The following MKLN1 variants were observed in gnomAD, a reference collection of about 807,000 sequenced individuals.
The protein encoded by MKLN1 is muskelin 1, also known as muskelin.
In MKLN1, 18 loss-of-function variants were observed where a neutral mutation model predicts 99.0. That is an observed-to-expected ratio of 0.18 (90% CI 0.13 to 0.27). The LOEUF is 0.27. Among genes scored for constraint, MKLN1 ranks in the 10% least tolerant of loss-of-function variants. The pLI is 1.00. For synonymous variants in MKLN1, 288 were observed against 293.2 expected (o/e 0.98, Z 0.18); for missense variants, 621 against 875.9 (o/e 0.71, Z 3.67).
intron 2 of MKLN1, among the ~76,000 whole-genome samples, chr7:131,190,998 G>A (rs888917974): frequency 2.0e-5 from 3 of 152,160 alleles, no homozygotes; most frequent in Non-Finnish European, 4.4e-5. Context: ...AGTGAGGACC[G>A]AGACTCTCTG....
At chr7:131,171,274 T>C (rs772601063) in intron 2 of MKLN1, among the ~76,000 whole-genome samples, 4 of 151,992 alleles carry the variant, frequency 2.6e-5, no homozygotes, top group Non-Finnish European at 5.9e-5. Context: ...CCCACTTACC[T>C]AAAAATGAAG....
rs556825977 is a variant in MKLN1 at position 131,261,248 on chromosome 7, G to A, written c.-179+58274G>A. ...GAAAGTATTTGCAAACTATGCATCC[G>A]GCAAAGGTCTAATATCCAGAAGCTG... On this transcript the variant is annotated intron_variant, in intron 3 of 7. Coordinates refer to the MKLN1 transcript ENST00000416992. Among the ~76,000 whole-genome samples the A allele has an allele frequency of 3.3e-5, 5 of 152,228 alleles. No homozygotes were observed. In the East Asian group the frequency reaches 7.7e-4, roughly 23 times the overall value.
intron 1 of MKLN1, among the ~76,000 whole-genome samples, chr7:131,328,510 G>A (rs1489859921): frequency 6.6e-6 from 1 of 152,200 alleles, no homozygotes; most frequent in African/African-American, 2.4e-5. Flanking sequence ...AGTGTTAAAA[G>A]TCACGGAAGG....
chr7:131,123,769 C>A (rs1795412432), intron 1 of MKLN1, among the ~76,000 whole-genome samples: 1 of 141,814 alleles, frequency 7.1e-6, no homozygotes, highest in African/African-American at 2.6e-5. Context: ...GCCTGGGCAA[C>A]AGAGCAAGAC....
chr7:131,161,183 C>T (rs1356362763), intron 2 of MKLN1, among the ~76,000 whole-genome samples: 2 of 152,174 alleles, frequency 1.3e-5, no homozygotes, highest in African/African-American at 4.8e-5. Context: ...CAGACAGGGT[C>T]AGTCTAGAGA....
intron 1 of MKLN1, among the ~76,000 whole-genome samples, chr7:131,363,585 A>T (rs993802210): frequency 2.0e-5 from 3 of 152,030 alleles, no homozygotes; most frequent in Non-Finnish European, 2.9e-5. Context: ...AGGATGTGTT[A>T]TCTAACTTTA....
At chr7:131,198,365 G>A (rs537677751) in intron 2 of MKLN1, among the ~76,000 whole-genome samples, 1 of 152,282 alleles carries the variant, frequency 6.6e-6, no homozygotes, top group African/African-American at 2.4e-5. Context: ...CTGTGTCATG[G>A]AAAAAAATTT....
rs78058244 is a variant in MKLN1, at chr7:131,180,296, A to C, written c.-296-22561A>C. Among the ~76,000 whole-genome samples the C allele has an allele frequency of 8.1e-3, 1,236 of 152,364 alleles. 16 individuals are homozygous for C. Among genetic ancestry groups the C allele is most frequent in the African/African-American group, 0.027 (1,137 of 41,574 alleles). ...TACAGCAGGACTCGTTCCCAAGAGC[A>C]ATCACAGATCCTAAAATGAAGCAAA... is the stretch of plus-strand genomic sequence containing the variant. On this transcript the variant is annotated intron_variant, in intron 2 of 7. Coordinates refer to the MKLN1 transcript ENST00000416992.
intron 2 of MKLN1, among the ~76,000 whole-genome samples, chr7:131,172,072 C>T (rs971828943): frequency 2.0e-5 from 3 of 152,016 alleles, no homozygotes; most frequent in Non-Finnish European, 4.4e-5. Context: ...GAAGAGCCTT[C>T]GAAGAGTTGA....
At chr7:131,257,909 C>T (rs973934097) in intron 3 of MKLN1, among the ~76,000 whole-genome samples, 2 of 152,030 alleles carry the variant, frequency 1.3e-5, no homozygotes, top group African/African-American at 4.8e-5. Context: ...CACTTGAGTG[C>T]AGGAGTTTGA....
chr7:131,317,083 C>G (rs1666237903), intron 3 of MKLN1, among the ~76,000 whole-genome samples: 2 of 152,086 alleles, frequency 1.3e-5, no homozygotes, highest in South Asian at 4.2e-4. Flanking sequence ...GACCAACATT[C>G]AAATTCAGGA....
At chr7:131,398,129 T>C (rs1352432445) in intron 5 of MKLN1, among the ~76,000 whole-genome samples, 1 of 152,182 alleles carries the variant, frequency 6.6e-6, no homozygotes, top group African/African-American at 2.4e-5. Flanking sequence ...GTCATGCCTA[T>C]AAGTAAATCA....
In MKLN1 at chr7:131,495,256, G is replaced by A. The variant is rs1797526155; in HGVS notation, c.*7528G>A. ...ATTGGACTGAAAATTAGATTGAGAAGAAAGATACAACTTCCTCCATAGCCA... is the reference window on the plus strand; with the variant it reads ...ATTGGACTGAAAATTAGATTGAGAAAAAAGATACAACTTCCTCCATAGCCA... On this transcript the variant is annotated 3_prime_UTR_variant, in exon 18 of 18. Transcript: ENST00000352689. 1 of 152,156 alleles carries A rather than the reference G, an allele frequency of 6.6e-6. No homozygotes were observed. The highest frequency in any genetic ancestry group is 1.5e-5 in the Non-Finnish European group (1 of 68,012). The allele number at this position is 152,156 out of a possible 1,614,324, so 9.4% of individuals were successfully genotyped here.
intron 1 of MKLN1, among the ~76,000 whole-genome samples, chr7:131,111,063 A>G (rs914503421): frequency 6.6e-6 from 1 of 151,998 alleles, no homozygotes; most frequent in African/African-American, 2.4e-5. Context: ...TCTCCAGACA[A>G]CTTTTTAATT....
intron 2 of MKLN1, among the ~76,000 whole-genome samples, chr7:131,173,350 G>T (rs1192685843): frequency 6.6e-6 from 1 of 152,160 alleles, no homozygotes; most frequent in Non-Finnish European, 1.5e-5. Flanking sequence ...TGGGTGAGAT[G>T]AATTTTTTTA....
chr7:131,137,863 C>T (rs1378810001), intron 1 of MKLN1, among the ~76,000 whole-genome samples: 4 of 151,888 alleles, frequency 2.6e-5, no homozygotes, highest in Admixed American at 2.6e-4. Flanking sequence ...GTGTGAGCCA[C>T]TGCACCCGGC....
chr7:131,476,470 A>G (rs534468498), intron 16 of MKLN1, among the ~76,000 whole-genome samples: 2 of 152,332 alleles, frequency 1.3e-5, no homozygotes, highest in South Asian at 4.1e-4. Context: ...GTCAATAGAA[A>G]AAAAAAGCAA....
At chr7:131,449,773 G>T (rs1417683070) in intron 12 of MKLN1, among the ~76,000 whole-genome samples, 1 of 151,658 alleles carries the variant, frequency 6.6e-6, no homozygotes, top group East Asian at 1.9e-4. Flanking sequence ...CTAATATGCG[G>T]CTGGGATTGA....
chr7:131,493,539 A>T lies in MKLN1; in HGVS notation c.*5811A>T, dbSNP rs144294912. ...TTCTGAATAGTCTTTGGGAAGTAGC[A>T]TTTCTTGGGAAGTAGCATTTCCCTT... is the stretch of plus-strand genomic sequence containing the variant. On this transcript the variant is annotated 3_prime_UTR_variant, in exon 18 of 18. Transcript: ENST00000352689. The T allele has an allele frequency of 6.6e-6, 1 of 152,198 alleles. No individual in the cohort carries two copies. Among genetic ancestry groups the T allele is most frequent in the African/African-American group, 2.4e-5 (1 of 41,460 alleles). The allele number at this position is 152,198 out of a possible 1,614,324, so 9.4% of individuals were successfully genotyped here. A position where few individuals can be genotyped will look rare whatever the true frequency, so the allele number is the denominator to read the frequency against.
Sources: allele counts gnomAD v4.1 joint callset (sites outside exome capture counted in the v4.1 genomes callset), GRCh38; gene constraint gnomAD v4.1.1; transcripts MANE v1.5; gene names NCBI Gene and HGNC (gene_info 2026-07-23, HGNC 2026-07-21).